Variants in TEX15 observed in about 807,000 individuals in gnomAD.
The protein encoded by TEX15 is testis expressed 15, meiosis and synapsis associated.
A neutral mutation model predicts 237.3 loss-of-function variants in TEX15; 171 were observed. The ratio of observed to expected loss-of-function variants is 0.72; its 90% CI spans 0.64 to 0.82. The LOEUF (loss-of-function observed/expected upper bound fraction) is 0.82, where lower values mean the gene tolerates loss of function less well. Among genes scored for constraint, TEX15 ranks in the 40% least tolerant of loss-of-function variants. The pLI is 0.00. For synonymous variants in TEX15, 1,338 were observed against 1,269.8 expected (o/e 1.05, Z -1.14); for missense variants, 3,750 against 3,646.5 (o/e 1.03, Z -0.73).
rs1481586043 is a variant in TEX15 at position 30,843,799 on chromosome 8, T to A, written c.6368A>T (p.Gln2123Leu). ...TTGGAAACCAGGATAGAAATTAGAC[T>A]GCTGTTGAAATCCACGTGGTTTTCC... ...LLGKPRGFQQ[Q>L]SNFYPGFQGR... Residue 2123 changes from glutamine (Q) to leucine (L), a missense_variant, in exon 8 of 11, where the codon CAG (glutamine) becomes CTG (leucine). By Grantham distance (113) the Gln-to-Leu change is moderately radical (BLOSUM62 -2). Coordinates refer to ENST00000643185, the MANE Select transcript of TEX15 (RefSeq NM_001350162.2). The A allele has an allele frequency of 1.2e-6, 2 of 1,613,332 alleles. No individual in the cohort carries two copies. The highest frequency in any genetic ancestry group is 1.7e-6 in the Non-Finnish European group (2 of 1,179,640).
intron 5 of TEX15, among the ~76,000 whole-genome samples, chr8:30,866,719 A>G (rs186614189): frequency 6.8e-6 from 1 of 148,078 alleles, no homozygotes; most frequent in Non-Finnish European, 1.5e-5. Context: ...AGGCTTTGAC[A>G]CACACATACA....
At chr8:30,895,522 C>T (rs779426894) in intron 2 of TEX15, among the ~76,000 whole-genome samples, 1 of 151,066 alleles carries the variant, frequency 6.6e-6, no homozygotes, top group Non-Finnish European at 1.5e-5. Context: ...CCTTTCTCTG[C>T]CAATTAAGGC....
chr8:30,875,067 ACT>A lies in TEX15; in HGVS notation c.170_171del (p.Glu57ValfsTer2). On this transcript the variant is annotated frameshift_variant, in exon 4 of 11. Transcript: ENST00000643185. LOFTEE classifies it high-confidence loss of function. ...TTAAGAGTATCATGTATAAAACTATACTCTCTACTATTGGTGTAACAAGGTGA... is the reference window on the plus strand; with the variant it reads ...TTAAGAGTATCATGTATAAAACTATACTCTACTATTGGTGTAACAAGGTGA... Reference protein sequence around the residue: ...YLSPCYTNSREYSFIHDTLNQ... With the variant: ...YLSPCYTNSRXYSFIHDTLNQ... 1.6e-6 allele frequency: 2 copies of A among 1,275,254 alleles called. No homozygotes were observed. Among genetic ancestry groups the A allele is most frequent in the East Asian group, 3.0e-5 (1 of 33,708 alleles). The allele number at this position is 1,275,254 out of a possible 1,614,324, so 79.0% of individuals were successfully genotyped here. A position where few individuals can be genotyped will look rare whatever the true frequency, so the allele number is the denominator to read the frequency against.
intron 2 of TEX15, among the ~76,000 whole-genome samples, chr8:30,898,054 TG>T (rs1329245725): frequency 6.6e-6 from 1 of 152,214 alleles, no homozygotes; most frequent in Non-Finnish European, 1.5e-5. Flanking sequence ...CATATTGGCT[TG>T]ACTTTCAAAT....
At chr8:30,853,219 G>A (rs1807827055) in intron 7 of TEX15, among the ~76,000 whole-genome samples, 1 of 152,184 alleles carries the variant, frequency 6.6e-6, no homozygotes, top group Non-Finnish European at 1.5e-5. Context: ...GAGGGGAAAT[G>A]TGGACAGAAC....
chr8:30,843,087 G>A lies in TEX15; in HGVS notation c.7080C>T (p.Asn2360=). 1 of 1,613,164 alleles carries A rather than the reference G, an allele frequency of 6.2e-7. No homozygotes were observed. Among genetic ancestry groups the A allele is most frequent in the Non-Finnish European group, 8.5e-7 (1 of 1,179,602 alleles). ...TATCTGGGTGTGCAAGCAAATTACT[G>A]TTAAATTTAGAATTTTCTATGCTAA... The part of the protein sequence containing the change: ...ATISIENSKF[N]SNLLAHPDIC... The change falls in exon 8 of 11, where the codon AAC becomes AAT. Residue 2360 remains asparagine, a synonymous_variant. Transcript: ENST00000643185.
intron 3 of TEX15, among the ~76,000 whole-genome samples, chr8:30,878,544 G>A (rs1487967693): frequency 2.0e-5 from 3 of 151,740 alleles, no homozygotes; most frequent in Non-Finnish European, 4.4e-5. Context: ...CCACCATGCC[G>A]GGCTAATTTT....
chr8:30,904,697 G>A (rs534361189), intron 1 of TEX15, among the ~76,000 whole-genome samples: 8 of 152,154 alleles, frequency 5.3e-5, no homozygotes, highest in South Asian at 2.1e-4. Context: ...TGTGCATGAC[G>A]TCATCTTGCA....
At chr8:30,886,253 AC>A (rs1460486416) in intron 3 of TEX15, among the ~76,000 whole-genome samples, 6 of 152,206 alleles carry the variant, frequency 3.9e-5, no homozygotes, top group Admixed American at 3.3e-4. Context: ...AAAGGGGAGC[AC>A]TGACTCTTTA....
Position 30,845,821 on chromosome 8 carries a change from T to C in TEX15, c.4346A>G (p.Lys1449Arg). ...KYYSTKHFSS[K>R]RKYDKRRKKR... is the part of the protein sequence containing the mutation. ...CTTTCTCCGTTTGTCATATTTTCTT[T>C]TTGACGAAAAATGCTTAGTAGAATA... Residue 1449 changes from lysine (K) to arginine (R), a missense_variant, in exon 8 of 11, where the codon AAA becomes AGA. Coordinates refer to ENST00000643185, the MANE Select transcript of TEX15 (RefSeq NM_001350162.2). 1.2e-6 allele frequency: 2 copies of C among 1,608,134 alleles called. No homozygotes were observed. Among genetic ancestry groups the C allele is most frequent in the Non-Finnish European group, 1.7e-6 (2 of 1,178,490 alleles).
chr8:30,848,585 T>C lies in TEX15; in HGVS notation c.1582A>G (p.Met528Val). The C allele has an allele frequency of 6.2e-7, 1 of 1,614,120 alleles. No individual in the cohort carries two copies. Among genetic ancestry groups the C allele is most frequent in the Non-Finnish European group, 8.5e-7 (1 of 1,180,006 alleles). ...YDCIPPNKVT[M>V]AGQCKDQGNF... ...CCTTGGTCCTTACATTGCCCTGCCA[T>C]GGTAACTTTATTGGGAGGTATACAG... Residue 528 changes from methionine to valine, a missense_variant, in exon 8 of 11, where the codon ATG becomes GTG. Coordinates refer to ENST00000643185, the MANE Select transcript of TEX15 (RefSeq NM_001350162.2).
intron 3 of TEX15, chr8:30,886,891 A>G: frequency 3.9e-6 from 1 of 257,628 alleles, no homozygotes; most frequent in Non-Finnish European, 7.3e-6. Flanking sequence ...TGAGTCTCAC[A>G]TTCCCTAGTT....
At position 30,837,679 on chromosome 8, in the gene TEX15, C is replaced by G. The variant is rs1807341448; in HGVS notation, c.8605G>C (p.Asp2869His). The change falls in exon 10 of 11, where the codon GAT becomes CAT. Residue 2869 changes from aspartate to histidine, a missense_variant. Coordinates refer to ENST00000643185, the MANE Select transcript of TEX15 (RefSeq NM_001350162.2). ...LLQKFLKNSP[D>H]PTQKSCLSDI... ...GAAAGGCAGGATTTTTGGGTGGGAT[C>G]TGGGGAATTTTTAAGAAATTTCTGC... 1 of 1,613,904 alleles carries G rather than the reference C, an allele frequency of 6.2e-7. No individual in the cohort carries two copies. Among genetic ancestry groups the G allele is most frequent in the Non-Finnish European group, 8.5e-7 (1 of 1,179,980 alleles).
At position 30,860,073 on chromosome 8, in the gene TEX15, C is replaced by T; in HGVS notation, c.541-16G>A. ...CAAAGAGAACCTAAAAAAAAAAAAG[C>T]CAAAAAAAAAGTACGTAAAAATATA... On this transcript the variant is annotated splice_polypyrimidine_tract_variant and intron_variant, in intron 5 of 10. Transcript: ENST00000643185. 1.5e-6 allele frequency: 2 copies of T among 1,370,876 alleles called. No individual in the cohort carries two copies. The highest frequency in any genetic ancestry group is 3.0e-5 in the Admixed American group (1 of 32,938). 84.9% of individuals were successfully genotyped at this position (1,370,876 alleles called of 1,614,324 possible). A position where few individuals can be genotyped will look rare whatever the true frequency, so the allele number is the denominator to read the frequency against.
Position 30,837,036 on chromosome 8 carries a change from G to A in TEX15, c.9248C>T (p.Thr3083Ile), listed in dbSNP as rs138117963. The A allele has an allele frequency of 1.1e-5, 18 of 1,614,048 alleles. No individual in the cohort carries two copies. Among genetic ancestry groups the A allele is most frequent in the Admixed American group, 8.3e-5 (5 of 60,004 alleles). The change falls in exon 10 of 11, where the codon ACT becomes ATT. Residue 3083 changes from threonine to isoleucine, a missense_variant. Transcript: ENST00000643185. Reference sequence around the variant, plus strand: ...AAGATTAGAATGTGTGCCCTGGGCAGTACTTGCAACTGTGGTCAACAGCCC... The same window carrying A: ...AAGATTAGAATGTGTGCCCTGGGCAATACTTGCAACTGTGGTCAACAGCCC... ...PSGLLTTVAS[T>I]AQGTHSNLLY...
chr8:30,887,902 A>G (rs60230171), intron 2 of TEX15: 6 of 59,922 alleles, frequency 1.0e-4, no homozygotes, highest in African/African-American at 3.2e-4. Context: ...ATATATATAT[A>G]TATATATATA....
At chr8:30,894,584 AGGG>A (rs1162637430) in intron 2 of TEX15, among the ~76,000 whole-genome samples, 1 of 152,244 alleles carries the variant, frequency 6.6e-6, no homozygotes, top group African/African-American at 2.4e-5. Context: ...ATGTTCCACA[AGGG>A]TGCCAAGACC....
At chr8:30,881,610 C>CATT (rs1808522902) in intron 3 of TEX15, among the ~76,000 whole-genome samples, 4 of 109,426 alleles carry the variant, frequency 3.7e-5, no homozygotes, top group African/African-American at 2.0e-4. Context: ...TCCATCTTGA[C>CATT]TTTTTATTTT....
At chr8:30,902,900 G>A (rs1472384280) in intron 1 of TEX15, among the ~76,000 whole-genome samples, 1 of 152,172 alleles carries the variant, frequency 6.6e-6, no homozygotes, top group Non-Finnish European at 1.5e-5. Context: ...AAATGTCTGA[G>A]GATTACCAGT....
Sources: allele counts gnomAD v4.1 joint callset (sites outside exome capture counted in the v4.1 genomes callset), GRCh38; gene constraint gnomAD v4.1.1; transcripts MANE v1.5; gene names NCBI Gene and HGNC (gene_info 2026-07-23, HGNC 2026-07-21).